Variants in FSTL5 observed in about 807,000 individuals in gnomAD.
The protein encoded by FSTL5 is follistatin-related protein 5.
A neutral mutation model predicts 89.1 loss-of-function variants in FSTL5; 62 were observed. That is an observed-to-expected ratio of 0.70 (90% CI 0.57 to 0.86). The LOEUF is 0.86. FSTL5 is among the 40% of genes least tolerant of loss of function. The probability of loss-of-function intolerance (pLI) is 0.00; values close to 1 mark genes in which losing one functional copy is unlikely to be tolerated. For synonymous variants in FSTL5, 383 were observed against 346.2 expected, an observed-to-expected ratio of 1.11 and a Z score of -1.18; for missense variants, 1,057 against 1,001.6, an observed-to-expected ratio of 1.06 and a Z score of -0.75.
intron 6 of FSTL5, among the ~76,000 whole-genome samples, chr4:161,713,661 C>T (rs1054466323): frequency 5.3e-5 from 8 of 152,124 alleles, no homozygotes; most frequent in African/African-American, 1.4e-4. Context: ...CACACACACA[C>T]ACCCCTACAG....
At position 162,132,246 on chromosome 4, in the gene FSTL5, T is replaced by C. The variant is rs539556351; in HGVS notation, c.-16-20834A>G. ...TTATCTATATAAGTACCCTCATTTA[T>C]AGGGTTGGGGCCAGAAAACAATTGT... On this transcript the variant is annotated intron_variant, in intron 1 of 15. Coordinates refer to ENST00000306100, the MANE Select transcript of FSTL5 (RefSeq NM_020116.5). 3.9e-5 allele frequency among the ~76,000 whole-genome samples: 6 copies of C among 152,312 alleles called. No individual in the cohort carries two copies. The South Asian group carries it at 1.2e-3, about 32-fold the overall frequency.
intron 10 of FSTL5, among the ~76,000 whole-genome samples, chr4:161,525,157 T>G (rs575989558): frequency 6.6e-6 from 1 of 152,224 alleles, no homozygotes; most frequent in East Asian, 1.9e-4. Flanking sequence ...CTACTATATA[T>G]TATTGTTGCC....
intron 6 of FSTL5, among the ~76,000 whole-genome samples, chr4:161,754,903 G>T (rs1740520583): frequency 1.3e-5 from 2 of 152,142 alleles, no homozygotes; most frequent in South Asian, 2.1e-4. Flanking sequence ...GGAAGACAAT[G>T]AAATATTTAG....
intron 6 of FSTL5, among the ~76,000 whole-genome samples, chr4:161,757,366 GCACACA>G (rs151056476): frequency 5.4e-5 from 8 of 147,970 alleles, no homozygotes; most frequent in Non-Finnish European, 9.0e-5. Flanking sequence ...ACCGACATAT[GCACACA>G]CACACACACA....
intron 8 of FSTL5, among the ~76,000 whole-genome samples, chr4:161,584,216 T>C (rs1733531283): frequency 6.6e-6 from 1 of 152,172 alleles, no homozygotes; most frequent in African/African-American, 2.4e-5. Flanking sequence ...TTACAAACTC[T>C]TCACTTTCAA....
At chr4:161,848,513 A>G (rs1731448060) in intron 4 of FSTL5, among the ~76,000 whole-genome samples, 1 of 152,216 alleles carries the variant, frequency 6.6e-6, no homozygotes. Flanking sequence ...AATATTTAAT[A>G]TGATAGCACG....
At chr4:161,682,954 C>T (rs977280619) in intron 6 of FSTL5, among the ~76,000 whole-genome samples, 2 of 152,022 alleles carry the variant, frequency 1.3e-5, no homozygotes, top group Admixed American at 6.6e-5. Context: ...ACCATATTGG[C>T]CAGGCTGTTC....
chr4:161,872,129 T>TTTTTTTG (rs1560892183), intron 4 of FSTL5, among the ~76,000 whole-genome samples: 9 of 17,904 alleles, frequency 5.0e-4, no homozygotes, highest in African/African-American at 1.7e-3. Flanking sequence ...TTGTAGTTTG[T>TTTTTTTG]TTTTTTTTTT....
chr4:161,734,892 G>A (rs910680194), intron 6 of FSTL5, among the ~76,000 whole-genome samples: 1 of 150,908 alleles, frequency 6.6e-6, no homozygotes, highest in East Asian at 2.0e-4. Flanking sequence ...CAACGTCTAG[G>A]GGCTTTTCCC....
At chr4:161,430,012 A>C (rs1232751178) in intron 15 of FSTL5, among the ~76,000 whole-genome samples, 1 of 152,182 alleles carries the variant, frequency 6.6e-6, no homozygotes, top group African/African-American at 2.4e-5. Flanking sequence ...AGGAATTCAG[A>C]ATCCTATCAG....
intron 4 of FSTL5, among the ~76,000 whole-genome samples, chr4:161,873,130 A>G (rs1579159246): frequency 6.6e-6 from 1 of 152,200 alleles, no homozygotes; most frequent in East Asian, 1.9e-4. Flanking sequence ...AAAGATAGCC[A>G]CACTCATCCT....
At chr4:161,907,246 A>G (rs1733564262) in intron 4 of FSTL5, among the ~76,000 whole-genome samples, 1 of 152,132 alleles carries the variant, frequency 6.6e-6, no homozygotes, top group African/African-American at 2.4e-5. Flanking sequence ...ACAAACTTAC[A>G]TGCTCTTTTA....
intron 13 of FSTL5, among the ~76,000 whole-genome samples, chr4:161,466,773 A>T (rs1036565909): frequency 2.0e-5 from 3 of 152,140 alleles, no homozygotes; most frequent in Non-Finnish European, 4.4e-5. Flanking sequence ...AGATTCCATT[A>T]AAAAAATGTG....
chr4:161,939,443 T>A (rs1434146373), intron 3 of FSTL5, among the ~76,000 whole-genome samples: 2 of 151,994 alleles, frequency 1.3e-5, no homozygotes, highest in East Asian at 3.9e-4. Flanking sequence ...AAGTCCCAAA[T>A]AATTAAAATA....
intron 6 of FSTL5, among the ~76,000 whole-genome samples, chr4:161,725,386 T>C (rs566710202): frequency 3.3e-5 from 5 of 152,244 alleles, no homozygotes; most frequent in Admixed American, 3.3e-4. Context: ...AGTTTGAGAA[T>C]ATTATAATAA....
At chr4:161,712,321 A>G (rs1738811042) in intron 6 of FSTL5, among the ~76,000 whole-genome samples, 1 of 152,150 alleles carries the variant, frequency 6.6e-6, no homozygotes, top group Admixed American at 6.5e-5. Context: ...AAAAGAATAA[A>G]TAACATAGAG....
chr4:162,159,582 C>T (rs570770928), intron 1 of FSTL5, among the ~76,000 whole-genome samples: 2 of 152,048 alleles, frequency 1.3e-5, no homozygotes, highest in South Asian at 4.1e-4. Flanking sequence ...TATTTTACCA[C>T]ATTTATGTGT....
intron 3 of FSTL5, among the ~76,000 whole-genome samples, chr4:161,976,328 G>A (rs1735644966): frequency 6.6e-6 from 1 of 152,066 alleles, no homozygotes; most frequent in Non-Finnish European, 1.5e-5. Flanking sequence ...TATTGAGAGT[G>A]ATTAATTCAA....
At chr4:161,475,593 T>A (rs1734107648) in intron 13 of FSTL5, among the ~76,000 whole-genome samples, 1 of 152,166 alleles carries the variant, frequency 6.6e-6, no homozygotes, top group Non-Finnish European at 1.5e-5. Flanking sequence ...AATTTTTAAA[T>A]ATTTTTTATT....
Sources: gnomAD v4.1 joint callset for allele counts (sites outside exome capture counted in the v4.1 genomes callset) on GRCh38, gnomAD v4.1.1 for gene constraint, MANE v1.5 for transcripts, NCBI Gene and HGNC (gene_info 2026-07-23, HGNC 2026-07-21) for gene names.